PKD1: variants seen among roughly 807,000 people sequenced by gnomAD.
PKD1 encodes the protein polycystin-1.
PKD1 carries 81 observed loss-of-function variants against 361.7 expected under a neutral mutation model. The ratio of observed to expected loss-of-function variants is 0.22; its 90% confidence interval spans 0.19 to 0.27. PKD1 has a LOEUF of 0.27. Ranked by LOEUF, PKD1 falls within the 10% of genes least tolerant of loss-of-function variation. The pLI, the probability that PKD1 is intolerant of heterozygous loss-of-function variation, is 1.00. For missense variants in PKD1, 6,399 were observed against 6,118.3 expected, an observed-to-expected ratio of 1.05 and a Z score of -1.53; for synonymous variants, 3,615 against 2,818.3, an observed-to-expected ratio of 1.28 and a Z score of -8.95.
intron 1 of PKD1, among the ~76,000 whole-genome samples, chr16:2,120,695 C>T (rs937367521): frequency 1.1e-4 from 17 of 152,222 alleles, no homozygotes; most frequent in African/African-American, 2.9e-4. Context: ...GAGCAAGACC[C>T]GGTCTCGAAA....
chr16:2,114,995 G>A (rs942586387), intron 10 of PKD1, 70 bp from the exon 11 acceptor site: 4 of 1,519,120 alleles, frequency 2.6e-6, no homozygotes, highest in African/African-American at 1.4e-5. Flanking sequence ...CACGACGGAT[G>A]AGGGTGGACA....
chr16:2,110,239 T>C lies in PKD1; in HGVS notation c.4928A>G (p.Tyr1643Cys). ...EGLQVVGGGR[Y>C]FPTNHTVQLQ... is the part of the protein sequence containing the mutation. ...CTGTACCGTGTGGTTGGTGGGGAAGTAGCGGCCACCGCCCACCACCTGCAG... is the reference window on the plus strand; with the variant it reads ...CTGTACCGTGTGGTTGGTGGGGAAGCAGCGGCCACCGCCCACCACCTGCAG... Residue 1643 changes from tyrosine to cysteine, a missense_variant, in exon 15 of 46, where the codon TAC (tyrosine) becomes TGC (cysteine). Physicochemically the swap from Tyr to Cys is radical, Grantham distance 194 (BLOSUM62 -2). Coordinates refer to ENST00000262304, the MANE Select transcript of PKD1 (RefSeq NM_001009944.3). 3 of 1,612,044 alleles carry C rather than the reference T, an allele frequency of 1.9e-6. No individual in the cohort carries two copies. Among genetic ancestry groups the C allele is most frequent in the East Asian group, 4.5e-5 (2 of 44,868 alleles).
Position 2,110,832 on chromosome 16 carries a change from G to C in PKD1, c.4335C>G (p.Val1445=). The change falls in exon 15 of 46, where the codon GTC becomes GTG. Residue 1445 remains valine (V), a synonymous_variant. Transcript: ENST00000262304. The stretch of plus-strand genomic sequence containing the variant: ...CAGCAGAGATGTTGTTGGACGCGGT[G>C]ACTGTCACAAGATAGGAGCCTGGGT... ...YRDPGSYLVT[V]TASNNISAAN... 6.2e-7 allele frequency: 1 copy of C among 1,611,800 alleles called. No individual in the cohort carries two copies. The highest frequency in any genetic ancestry group is 8.5e-7 in the Non-Finnish European group (1 of 1,179,844).
Position 2,107,903 on chromosome 16 carries a change from C to A in PKD1, c.7045G>T (p.Glu2349Ter). The A allele has an allele frequency of 6.5e-7, 1 of 1,545,006 alleles. No individual in the cohort carries two copies. Among genetic ancestry groups the A allele is most frequent in the Non-Finnish European group, 8.7e-7 (1 of 1,146,610 alleles). Residue 2349 changes from glutamate (E) to a stop codon, truncating the protein, a stop_gained, in exon 16 of 46, where the codon GAG (glutamate) becomes TAG (stop). Transcript: ENST00000262304. LOFTEE classifies it high-confidence loss of function. ...CCCACCGTCTGGTTGGTGGCCTCCT[C>A]CTTGCGGCCGGCCTTCCACACGGTC... The part of the protein sequence containing the change: ...SLTVWKAGRK[E>*]EATNQTVLIR...
At chr16:2,094,465 G>T (rs1254676997) in intron 34 of PKD1, among the ~76,000 whole-genome samples, 1 of 152,120 alleles carries the variant, frequency 6.6e-6, no homozygotes, top group Admixed American at 6.5e-5. Flanking sequence ...TAAACCCATC[G>T]CCCACAGCCT....
In PKD1 at chr16:2,106,069, G is replaced by A. The variant is rs757664318; in HGVS notation, c.7703+22C>T. 64 of 1,604,094 alleles carry A rather than the reference G, an allele frequency of 4.0e-5. 1 individual carries two copies. The highest frequency in any genetic ancestry group is 2.9e-4 in the South Asian group (26 of 90,782). ...GTGAGCAGGTGGCAGTCTCGGGGGC[G>A]CCCTCCCACGGCCTGGCTCACCTGT... On this transcript the variant is annotated intron_variant, in intron 19 of 45. Coordinates refer to ENST00000262304, the MANE Select transcript of PKD1 (RefSeq NM_001009944.3). This position sits in a 1 kb window ranked among gnomAD's most constrained non-coding sequence, Gnocchi z 6.5.
Position 2,108,189 on chromosome 16 carries a change from T to C in PKD1, c.6915+63A>G, listed in dbSNP as rs1447107154. The C allele has an allele frequency of 3.3e-6, 5 of 1,516,938 alleles. No homozygotes were observed. The East Asian group carries it at 1.1e-4, about 34-fold the overall frequency. The allele number at this position is 1,516,938 out of a possible 1,614,324, so 94.0% of individuals were successfully genotyped here. ...GCCAGCCCTGGTGGCAAGCTGGGTG[T>C]TCTCTGGGCTCATGGGTGTGGACGG... On this transcript the variant is annotated intron_variant, in intron 15 of 45. Transcript: ENST00000262304.
chr16:2,100,386 C>G lies in PKD1; in HGVS notation c.9568+10G>C. On this transcript the variant is annotated intron_variant, in intron 27 of 45. Coordinates refer to ENST00000262304, the MANE Select transcript of PKD1 (RefSeq NM_001009944.3). This position sits in a 1 kb window ranked among gnomAD's most constrained non-coding sequence, Gnocchi z 4.4. Reference sequence around the variant, plus strand: ...GCAGAGGGGCAGAGCTTGGCAGGGTCCGCACAAACCTTTGTTGTCGTGCCA... The same window carrying G: ...GCAGAGGGGCAGAGCTTGGCAGGGTGCGCACAAACCTTTGTTGTCGTGCCA... The G allele has an allele frequency of 6.2e-7, 1 of 1,611,220 alleles. No homozygotes were observed. The highest frequency in any genetic ancestry group is 1.7e-5 in the Admixed American group (1 of 60,026).
At position 2,111,578 on chromosome 16, in the gene PKD1, C is replaced by A; in HGVS notation, c.3589G>T (p.Val1197Leu). 6.3e-7 allele frequency: 1 copy of A among 1,576,562 alleles called. No individual in the cohort carries two copies. Among genetic ancestry groups the A allele is most frequent in the Non-Finnish European group, 8.6e-7 (1 of 1,162,194 alleles). ...YHVRLEVNNT[V>L]SGAAAQADVR... The stretch of plus-strand genomic sequence containing the variant: ...TCCGCCTGGGCCGCCGCACCGCTCA[C>A]CGTGTTGTTGACCTCCAGGCGCACG... Residue 1197 changes from valine to leucine, a missense_variant, in exon 15 of 46, where the codon GTG becomes TTG. Coordinates refer to ENST00000262304, the MANE Select transcript of PKD1 (RefSeq NM_001009944.3).
intron 34 of PKD1, among the ~76,000 whole-genome samples, chr16:2,096,199 G>C (rs1452836165): frequency 6.6e-6 from 1 of 152,270 alleles, no homozygotes; most frequent in Non-Finnish European, 1.5e-5. Context: ...ACAGGGCGTA[G>C]TTACCCAAAC....
rs773742893 is a variant in PKD1, at chr16:2,113,344, C to T, written c.2854-52G>A. ...GCTCTGTGGAGGACTCTGCCCTTAG[C>T]CTGTCGCCTCCTGGACACACCTCCC... On this transcript the variant is annotated intron_variant, in intron 11 of 45. Coordinates refer to ENST00000262304, the MANE Select transcript of PKD1 (RefSeq NM_001009944.3). The T allele has an allele frequency of 6.0e-5, 95 of 1,582,256 alleles. 1 individual carries two copies. The African/African-American group carries it at 9.4e-4, about 16-fold the overall frequency.
In PKD1 at chr16:2,111,378, C is replaced by A; in HGVS notation, c.3789G>T (p.Val1263=). 6.2e-7 allele frequency: 1 copy of A among 1,611,284 alleles called. No individual in the cohort carries two copies. The highest frequency in any genetic ancestry group is 1.1e-5 in the South Asian group (1 of 91,024). The part of the protein sequence containing the change: ...LSGPEATVEH[V]YLRAQNCTVT... The stretch of plus-strand genomic sequence containing the variant: ...CTGTGCAGTTCTGTGCCCGCAGGTA[C>A]ACATGCTCCACTGTTGCCTCCGGGC... Residue 1263 remains valine, a synonymous_variant, in exon 15 of 46, where the codon GTG becomes GTT. Transcript: ENST00000262304.
intron 1 of PKD1, among the ~76,000 whole-genome samples, chr16:2,121,479 T>C (rs2092720087): frequency 1.3e-5 from 2 of 151,898 alleles, no homozygotes; most frequent in African/African-American, 4.8e-5. Context: ...GAAGCACAAT[T>C]GGTCACAGCC....
intron 34 of PKD1, among the ~76,000 whole-genome samples, chr16:2,096,444 G>A (rs1347993052): frequency 1.3e-5 from 2 of 152,256 alleles, no homozygotes; most frequent in Non-Finnish European, 2.9e-5. Flanking sequence ...GCGTGACTAT[G>A]TGCGTGACTA....
rs767865002 is a variant in PKD1 at position 2,089,850 on chromosome 16, G to A, written c.12789C>T (p.Ser4263=). 3.1e-6 allele frequency: 5 copies of A among 1,607,540 alleles called. No individual in the cohort carries two copies. Among genetic ancestry groups the A allele is most frequent in the African/African-American group, 2.7e-5 (2 of 74,882 alleles). The change falls in exon 46 of 46, where the codon TCC becomes TCT. Residue 4263 remains serine, a synonymous_variant. Coordinates refer to ENST00000262304, the MANE Select transcript of PKD1 (RefSeq NM_001009944.3). ...RAPAGSSRGP[S]PGLRPALPSR... ...TGGGCAGTGCTGGCCGCAGGCCCGG[G>A]GATGGGCCACGGGAAGATCCGGCGG...
Position 2,091,773 on chromosome 16 carries a change from G to C in PKD1, c.11537+8C>G. On this transcript the variant is annotated splice_region_variant and intron_variant, in intron 41 of 45. Transcript: ENST00000262304. ...CACCCCGGAGAGGGCAGGGGAGGGA[G>C]CTCCCACCTGTTGTCCAGCCAGTTG... 1 of 1,608,776 alleles carries C rather than the reference G, an allele frequency of 6.2e-7. No individual in the cohort carries two copies. Among genetic ancestry groups the C allele is most frequent in the African/African-American group, 1.3e-5 (1 of 74,964 alleles).
intron 1 of PKD1, among the ~76,000 whole-genome samples, chr16:2,130,161 C>T (rs2092853457): frequency 6.6e-6 from 1 of 152,258 alleles, no homozygotes; most frequent in South Asian, 2.1e-4. Flanking sequence ...CAGGCACGTT[C>T]TGAACGCCCG....
chr16:2,108,404 G>C lies in PKD1; in HGVS notation c.6763C>G (p.Arg2255Gly), dbSNP rs199803853. The change falls in exon 15 of 46, where the codon CGC (arginine) becomes GGC (glycine). Residue 2255 changes from arginine to glycine, a missense_variant. Transcript: ENST00000262304. The part of the protein sequence containing the change: ...IQANVTVAPE[R>G]LVPIIEGGSY... ...CCACCCTCAATGATGGGCACCAGGCGCTCGGGGGCCACCGTCACATTGGCC... is the reference window on the plus strand; with the variant it reads ...CCACCCTCAATGATGGGCACCAGGCCCTCGGGGGCCACCGTCACATTGGCC... 6.2e-7 allele frequency: 1 copy of C among 1,610,556 alleles called. No homozygotes were observed. The highest frequency in any genetic ancestry group is 2.2e-5 in the East Asian group (1 of 44,870).
At chr16:2,131,459 G>C (rs2092878439) in intron 1 of PKD1, among the ~76,000 whole-genome samples, 1 of 151,972 alleles carries the variant, frequency 6.6e-6, no homozygotes, top group Non-Finnish European at 1.5e-5. Context: ...AGTGAGCTGA[G>C]ATGGCACTGC....
Sources: gnomAD v4.1 joint callset for allele counts (sites outside exome capture counted in the v4.1 genomes callset) on GRCh38, gnomAD v4.1.1 for gene constraint, Gnocchi (gnomAD v3.1) non-coding constraint, MANE v1.5 for transcripts, NCBI Gene and HGNC (gene_info 2026-07-23, HGNC 2026-07-21) for gene names.